Variants in KNTC1 observed in about 807,000 individuals in gnomAD.
KNTC1 encodes kinetochore associated 1.
A neutral mutation model predicts 314.4 loss-of-function variants in KNTC1; 253 were observed. The observed-to-expected ratio is 0.80, with a 90% CI of 0.73 to 0.89. The LOEUF (loss-of-function observed/expected upper bound fraction) is 0.89. KNTC1 is among the 40% of genes least tolerant of loss of function. The pLI, the probability that KNTC1 is intolerant of heterozygous loss-of-function variation, is 0.00. For missense variants in KNTC1, 2,475 were observed against 2,572.9 expected (o/e 0.96, Z 0.82); for synonymous variants, 901 against 901.4 (o/e 1.00, Z 0.01).
At chr12:122,593,266 CTTTT>C (rs369511482) in intron 42 of KNTC1, 19 of 139,272 alleles carry the variant, frequency 1.4e-4, no homozygotes, top group Non-Finnish European at 2.4e-4. Flanking sequence ...TTCTTTTTTT[CTTTT>C]TTTTTTTTTT....
At position 122,584,303 on chromosome 12, in the gene KNTC1, G is replaced by A. The variant is rs745840180; in HGVS notation, c.3289G>A (p.Ala1097Thr). The change falls in exon 35 of 64, where the codon GCT (alanine) becomes ACT (threonine). Residue 1097 changes from alanine (A) to threonine (T), a missense_variant. Physicochemically the swap from Ala to Thr is moderately conservative, Grantham distance 58. Transcript: ENST00000333479. ...CGACTTGTTTAAGTATCACTGCAAT[G>A]CTGACACTGGGAAATTGCTATTTCT... ...CSDLFKYHCN[A>T]DTGKLLFLTC... 1 of 1,613,256 alleles carries A rather than the reference G, an allele frequency of 6.2e-7. No individual in the cohort carries two copies. Among genetic ancestry groups the A allele is most frequent in the East Asian group, 2.2e-5 (1 of 44,866 alleles).
intron 8 of KNTC1, among the ~76,000 whole-genome samples, chr12:122,544,870 T>TA (rs1270308472): frequency 2.5e-4 from 38 of 152,320 alleles, no homozygotes; most frequent in African/African-American, 8.9e-4. Context: ...ACCTTAGTGT[T>TA]AGAGAATGGT....
chr12:122,602,811 T>G lies in KNTC1; in HGVS notation c.4826-18T>G. 3 of 1,612,156 alleles carry G rather than the reference T, an allele frequency of 1.9e-6. 1 individual carries two copies. Among genetic ancestry groups the G allele is most frequent in the South Asian group, 2.2e-5 (2 of 90,700 alleles). ...TTTTTTTCTTAAGCAAATCGTACTT[T>G]CCTTGTTTCCTTTCTAGCTACAGAA... On this transcript the variant is annotated intron_variant, in intron 46 of 63. Coordinates refer to ENST00000333479, the MANE Select transcript of KNTC1 (RefSeq NM_014708.6).
chr12:122,546,049 A>T, intron 8 of KNTC1, 127 bp from the exon 9 acceptor site: 2 of 650,514 alleles, frequency 3.1e-6, no homozygotes, highest in Non-Finnish European at 5.5e-6. Context: ...GATGAAACCT[A>T]GTTAAGTTAG....
chr12:122,592,055 A>G (rs1870289508), intron 42 of KNTC1, among the ~76,000 whole-genome samples: 2 of 152,308 alleles, frequency 1.3e-5, no homozygotes, highest in East Asian at 1.9e-4. Flanking sequence ...CGGGCTGCGC[A>G]TGGCGCTTGC....
intron 4 of KNTC1, 72 bp downstream of exon 4, chr12:122,538,526 C>G: frequency 1.2e-6 from 1 of 823,560 alleles, no homozygotes; most frequent in Non-Finnish European, 1.9e-6. Context: ...AAAACTCTAG[C>G]AAACTATTAC....
intron 16 of KNTC1, among the ~76,000 whole-genome samples, chr12:122,557,114 A>C (rs1963653177): frequency 6.6e-6 from 1 of 152,142 alleles, no homozygotes; most frequent in Non-Finnish European, 1.5e-5. Flanking sequence ...ATGGATATTT[A>C]GATTCCATAT....
chr12:122,574,332 A>T lies in KNTC1; in HGVS notation c.2334A>T (p.Ala778=), dbSNP rs1173235423. The change falls in exon 27 of 64, where the codon GCA becomes GCT. Residue 778 remains alanine (A), a synonymous_variant. Coordinates refer to ENST00000333479, the MANE Select transcript of KNTC1 (RefSeq NM_014708.6). ...AGTCCACATCACTCTTTGAAACAGCATGGGAAGCAAAGGCCATGGCAGTAA... is the reference window on the plus strand; with the variant it reads ...AGTCCACATCACTCTTTGAAACAGCTTGGGAAGCAAAGGCCATGGCAGTAA... The part of the protein sequence containing the change: ...SSKSTSLFET[A]WEAKAMAVIA... The T allele has an allele frequency of 6.2e-7, 1 of 1,612,674 alleles. No homozygotes were observed. Among genetic ancestry groups the T allele is most frequent in the East Asian group, 2.2e-5 (1 of 44,874 alleles).
chr12:122,618,568 C>CAA (rs376934174), intron 59 of KNTC1, 23 bp downstream of exon 59: 296 of 1,310,802 alleles, frequency 2.3e-4, no homozygotes, highest in Middle Eastern at 4.0e-4. Context: ...TTTGTTCTAC[C>CAA]AAAAAAAAAA....
chr12:122,572,922 A>C lies in KNTC1; in HGVS notation c.2020-15A>C. 1 of 1,511,412 alleles carries C rather than the reference A, an allele frequency of 6.6e-7. No individual in the cohort carries two copies. Among genetic ancestry groups the C allele is most frequent in the Non-Finnish European group, 9.0e-7 (1 of 1,109,018 alleles). 93.6% of individuals were successfully genotyped at this position (1,511,412 alleles called of 1,614,324 possible). ...TTATTTTATATCGTTAACAACTTTA[A>C]CACTTTTGTTTTAGAAAGATTATCA... On this transcript the variant is annotated splice_polypyrimidine_tract_variant and intron_variant, in intron 24 of 63. Transcript: ENST00000333479.
At chr12:122,613,298 A>G in intron 54 of KNTC1, 68 bp downstream of exon 54, 1 of 1,058,392 alleles carries the variant, frequency 9.4e-7, no homozygotes, top group Non-Finnish European at 1.4e-6. Context: ...TGTACCTTTT[A>G]AGCCCTGAAT....
rs774206239 is a variant in KNTC1 at position 122,579,126 on chromosome 12, G to A, written c.2842-779G>A. 2.5e-4 allele frequency among the ~76,000 whole-genome samples: 32 copies of A among 126,504 alleles called. 1 individual carries two copies. In the Middle Eastern group the frequency reaches 0.02, roughly 79 times the overall value. 83.0% of individuals were successfully genotyped at this position (126,504 alleles called of 152,430 possible). ...GTCGCCCAGGCTGGAGTGCAGTGGCGGGATCTCGGCTCACTGCAAGCTCCG... is the reference window on the plus strand; with the variant it reads ...GTCGCCCAGGCTGGAGTGCAGTGGCAGGATCTCGGCTCACTGCAAGCTCCG... On this transcript the variant is annotated intron_variant, in intron 31 of 63. Coordinates refer to ENST00000333479, the MANE Select transcript of KNTC1 (RefSeq NM_014708.6).
At chr12:122,531,345 T>C (rs1961302906) in intron 2 of KNTC1, among the ~76,000 whole-genome samples, 1 of 152,102 alleles carries the variant, frequency 6.6e-6, no homozygotes, top group African/African-American at 2.4e-5. Flanking sequence ...TAGCTGGGAT[T>C]ACAGGTGTGT....
Position 122,613,114 on chromosome 12 carries a change from A to ATCAT in KNTC1, c.5626_5627insCATT (p.Leu1876SerfsTer12). The ATCAT allele has an allele frequency of 6.3e-7, 1 of 1,598,590 alleles. No homozygotes were observed. Among genetic ancestry groups the ATCAT allele is most frequent in the Non-Finnish European group, 8.6e-7 (1 of 1,167,028 alleles). On this transcript the variant is annotated frameshift_variant, in exon 54 of 64. Coordinates refer to ENST00000333479, the MANE Select transcript of KNTC1 (RefSeq NM_014708.6). LOFTEE classifies it high-confidence loss of function. ...CCAAACCTCTTTTGGTTTTTCAGAC[A>ATCAT]TTAGGTATGCATCAGTTAACTTTTG...
intron 20 of KNTC1, chr12:122,563,754 C>G: frequency 7.0e-7 from 1 of 1,434,174 alleles, no homozygotes; most frequent in Non-Finnish European, 9.2e-7. Flanking sequence ...AATGATCTGG[C>G]TCTTCTTGTA....
At chr12:122,622,372 A>G (rs1874532372) in intron 61 of KNTC1, 90 bp from the exon 62 acceptor site, 2 of 1,181,834 alleles carry the variant, frequency 1.7e-6, no homozygotes, top group African/African-American at 1.6e-5. Flanking sequence ...TTGATATTGA[A>G]TAAAGGCTTG....
chr12:122,557,796 A>G, intron 18 of KNTC1, 107 bp downstream of exon 18: 1 of 740,054 alleles, frequency 1.4e-6, no homozygotes, highest in Non-Finnish European at 2.2e-6. Flanking sequence ...CGCTATGTGT[A>G]TTATTAATAA....
At chr12:122,588,185 T>A (rs2138026252) in intron 39 of KNTC1, among the ~76,000 whole-genome samples, 1 of 152,328 alleles carries the variant, frequency 6.6e-6, no homozygotes. Flanking sequence ...GTCTTCACAC[T>A]CTAAGCTTAG....
rs1200314878 is a variant in KNTC1 at position 122,577,808 on chromosome 12, G to C, written c.2841+17G>C. 6.2e-7 allele frequency: 1 copy of C among 1,604,190 alleles called. No individual in the cohort carries two copies. The highest frequency in any genetic ancestry group is 1.3e-5 in the African/African-American group (1 of 74,402). On this transcript the variant is annotated intron_variant, in intron 31 of 63. Transcript: ENST00000333479. The stretch of plus-strand genomic sequence containing the variant: ...TCTAAAGAGGTGACATTTTCACTAA[G>C]TAAAATATAAGTAAATCCAATTTTT...
Sources: allele counts gnomAD v4.1 joint callset (sites outside exome capture counted in the v4.1 genomes callset), GRCh38; gene constraint gnomAD v4.1.1; transcripts MANE v1.5; gene names NCBI Gene and HGNC (gene_info 2026-07-23, HGNC 2026-07-21).